ADAR: variants seen among roughly 807,000 people sequenced by gnomAD.
ADAR encodes the protein adenosine deaminase RNA specific, also known as double-stranded RNA-specific adenosine deaminase.
Under a neutral mutation model 113.2 loss-of-function variants are expected in ADAR, and 41 were observed. That is an observed-to-expected ratio of 0.36 (90% CI 0.28 to 0.47). The LOEUF is 0.47. Ranked by LOEUF, ADAR falls within the 20% of genes least tolerant of loss-of-function variation. The pLI, the probability that ADAR is intolerant of heterozygous loss-of-function variation, is 1.00. For missense variants in ADAR, 1,242 were observed against 1,540.9 expected, an observed-to-expected ratio of 0.81 and a Z score of 3.25; for synonymous variants, 605 against 572.6, an observed-to-expected ratio of 1.06 and a Z score of -0.81.
intron 1 of ADAR, 147 bp downstream of exon 1, chr1:154,607,845 T>G: frequency 7.5e-7 from 1 of 1,331,108 alleles, no homozygotes; most frequent in Non-Finnish European, 1.0e-6. Context: ...CACAAATTCC[T>G]AAACCAGCAA....
At position 154,588,538 on chromosome 1, in the gene ADAR, G is replaced by C. The variant is rs370087378; in HGVS notation, c.2885+13C>G. 3.7e-6 allele frequency: 6 copies of C among 1,613,354 alleles called. No homozygotes were observed. The highest frequency in any genetic ancestry group is 1.7e-5 in the Admixed American group (1 of 60,002). ...GCAGGGCCCACCCTGGCAGCAACAG[G>C]AACTGTACAGACCTGATATACAGAT... On this transcript the variant is annotated intron_variant, in intron 10 of 14. Coordinates refer to ENST00000368474, the MANE Select transcript of ADAR (RefSeq NM_001111.5).
chr1:154,588,350 A>G (rs537055198), intron 10 of ADAR, 92 bp from the exon 11 acceptor site: 96 of 1,591,860 alleles, frequency 6.0e-5, no homozygotes, highest in Non-Finnish European at 7.6e-5. Flanking sequence ...GAAGCAAGGG[A>G]TGTTTTCTAA....
At chr1:154,618,970 C>T (rs912614903) in intron 1 of ADAR, among the ~76,000 whole-genome samples, 24 of 152,190 alleles carry the variant, frequency 1.6e-4, no homozygotes, top group East Asian at 7.7e-4. Flanking sequence ...ATTAGCCGGG[C>T]GTGGTGGCAG....
rs1697860791 is a variant in ADAR, at chr1:154,601,362, G to A, written c.1280C>T (p.Pro427Leu). 6 of 1,614,076 alleles carry A rather than the reference G, an allele frequency of 3.7e-6. No homozygotes were observed. The highest frequency in any genetic ancestry group is 4.2e-6 in the Non-Finnish European group (5 of 1,180,042). Residue 427 changes from proline (P) to leucine (L), a missense_variant, in exon 2 of 15, where the codon CCA becomes CTA. By Grantham distance (98) the Pro-to-Leu change is moderately conservative. Coordinates refer to ENST00000368474, the MANE Select transcript of ADAR (RefSeq NM_001111.5). The surrounding 1 kb of genome is among the most constrained non-coding windows in gnomAD (Gnocchi z 4.7). ...AGGTGGTTTCAGTCTTGCTGGTTCT[G>A]GTCTGGCCTCTTGCCTGTTTTCTAA... ...IKLENRQEAR[P>L]EPARLKPPVH...
At chr1:154,605,887 G>A in intron 1 of ADAR, 4 of 747,014 alleles carry the variant, frequency 5.4e-6, no homozygotes, top group Non-Finnish European at 6.5e-6. Flanking sequence ...GCTAGAGTCA[G>A]TTAAAAGCTA....
chr1:154,626,513 A>T (rs1001227817), intron 1 of ADAR, among the ~76,000 whole-genome samples: 1 of 152,184 alleles, frequency 6.6e-6, no homozygotes, highest in Admixed American at 6.5e-5. Flanking sequence ...ACCACCCCCA[A>T]GTCTGCATAT....
At chr1:154,627,071 G>A (rs1032338353) in intron 1 of ADAR, among the ~76,000 whole-genome samples, 3 of 152,168 alleles carry the variant, frequency 2.0e-5, no homozygotes, top group Non-Finnish European at 4.4e-5. Context: ...CCTAGACTCT[G>A]CTCCCTCCGC....
rs775757774 is a variant in ADAR, at chr1:154,601,332, T to TG, written c.1309dup (p.His437ProfsTer12). On this transcript the variant is annotated frameshift_variant, in exon 2 of 15. Transcript: ENST00000368474. LOFTEE classifies it high-confidence loss of function. The surrounding 1 kb of genome is among the most constrained non-coding windows in gnomAD (Gnocchi z 4.7). ...CCCTGCTTTTGAGGGGCCATTGTAATGAACAGGTGGTTTCAGTCTTGCTGG... is the reference window on the plus strand; with the variant it reads ...CCCTGCTTTTGAGGGGCCATTGTAATGGAACAGGTGGTTTCAGTCTTGCTGG... 1 of 1,614,276 alleles carries TG rather than the reference T, an allele frequency of 6.2e-7. No homozygotes were observed.
intron 1 of ADAR, among the ~76,000 whole-genome samples, chr1:154,626,962 C>T (rs899023234): frequency 2.6e-5 from 4 of 152,206 alleles, no homozygotes; most frequent in African/African-American, 9.7e-5. Flanking sequence ...GACGCCCCTG[C>T]CTTCTCTGCC....
intron 6 of ADAR, among the ~76,000 whole-genome samples, chr1:154,593,487 A>G (rs909239224): frequency 2.0e-5 from 3 of 152,228 alleles, no homozygotes; most frequent in African/African-American, 7.2e-5. Context: ...AAGTTCTTAC[A>G]TTCTCAATGA....
At chr1:154,596,365 C>T (rs557219302) in intron 6 of ADAR, among the ~76,000 whole-genome samples, 8 of 152,144 alleles carry the variant, frequency 5.3e-5, no homozygotes, top group East Asian at 1.9e-4. Flanking sequence ...GTCTGCCTCC[C>T]GAGTAGCTGG....
At chr1:154,598,059 G>T in intron 3 of ADAR, 83 bp from the exon 4 acceptor site, 2 of 1,484,434 alleles carry the variant, frequency 1.3e-6, no homozygotes, top group Non-Finnish European at 1.8e-6. Context: ...GGGGATGGGG[G>T]ACTTTATTCC....
rs1697549858 is a variant in ADAR, at chr1:154,597,051, G to GA, written c.2080-57dup. On this transcript the variant is annotated intron_variant, in intron 5 of 14. Transcript: ENST00000368474. ...ATAAACACTTCAGGAAATGTTGAGG[G>GA]AGTCACTGGCAATCTTAAACCACTC... 2.5e-6 allele frequency: 4 copies of GA among 1,613,868 alleles called. No homozygotes were observed. In the Admixed American group the frequency reaches 6.7e-5, roughly 27 times the overall value.
Position 154,608,018 on chromosome 1 carries a change from G to C in ADAR, c.-12C>G, listed in dbSNP as rs1289872599. ...TGCCGCGGATTCATTGCGCCCGCGA[G>C]GCATTGCCCGGCCCGACCCGCCGGC... On this transcript the variant is annotated 5_prime_UTR_variant, in exon 1 of 15. Coordinates refer to ENST00000368474, the MANE Select transcript of ADAR (RefSeq NM_001111.5). 5.7e-6 allele frequency: 9 copies of C among 1,587,800 alleles called. No homozygotes were observed. The highest frequency in any genetic ancestry group is 7.7e-6 in the Non-Finnish European group (9 of 1,166,636).
At chr1:154,597,022 AG>A in intron 5 of ADAR, 27 bp from the exon 6 acceptor site, 1 of 1,614,134 alleles carries the variant, frequency 6.2e-7, no homozygotes, top group Middle Eastern at 1.6e-4. Flanking sequence ...CAAACAGAGG[AG>A]CCATAAACAC....
chr1:154,606,947 A>T (rs79481263), intron 1 of ADAR, among the ~76,000 whole-genome samples: 35,011 of 148,344 alleles, frequency 0.24, 4,511 homozygotes, highest in South Asian at 0.34. Flanking sequence ...AAAAAAAAAA[A>T]ATATATATAT....
intron 1 of ADAR, among the ~76,000 whole-genome samples, chr1:154,603,917 TC>T (rs1698035228): frequency 6.6e-6 from 1 of 152,152 alleles, no homozygotes; most frequent in African/African-American, 2.4e-5. Flanking sequence ...ATTTCAGCAT[TC>T]TTGTCAATCA....
chr1:154,621,464 A>T (rs1028617435), intron 1 of ADAR, among the ~76,000 whole-genome samples: 2 of 152,214 alleles, frequency 1.3e-5, no homozygotes, highest in Non-Finnish European at 2.9e-5. Flanking sequence ...TGCAAATAAA[A>T]TTGTTTGCTT....
rs373961298 is a variant in ADAR at position 154,607,705 on chromosome 1, A to G, written c.15+287T>C. Reference sequence around the variant, plus strand: ...AAATTCACAAATTCCTAAACCAGCAATGCTGCTTGGCAAGACTACACACAC... The same window carrying G: ...AAATTCACAAATTCCTAAACCAGCAGTGCTGCTTGGCAAGACTACACACAC... On this transcript the variant is annotated intron_variant, in intron 1 of 14. Coordinates refer to ENST00000368474, the MANE Select transcript of ADAR (RefSeq NM_001111.5). Among the ~76,000 whole-genome samples the G allele has an allele frequency of 5.3e-5, 8 of 151,644 alleles. No homozygotes were observed. The South Asian group carries it at 1.7e-3, about 31-fold the overall frequency.
Sources: allele counts gnomAD v4.1 joint callset (sites outside exome capture counted in the v4.1 genomes callset), GRCh38; gene constraint gnomAD v4.1.1; non-coding constraint Gnocchi (gnomAD v3.1); transcripts MANE v1.5; gene names NCBI Gene and HGNC (gene_info 2026-07-23, HGNC 2026-07-21).